The following FILIP1 variants were observed in gnomAD, a reference collection of about 807,000 sequenced individuals.
FILIP1 encodes the protein filamin-A-interacting protein 1.
FILIP1 carries 61 observed loss-of-function variants against 102.1 expected under a neutral mutation model. The ratio of observed to expected loss-of-function variants is 0.60; its 90% CI spans 0.49 to 0.74. The LOEUF (loss-of-function observed/expected upper bound fraction) is 0.74, where lower values mean the gene tolerates loss of function less well. Among genes scored for constraint, FILIP1 ranks in the 30% least tolerant of loss-of-function variants. The probability of loss-of-function intolerance (pLI) is 0.00; values close to 1 mark genes in which losing one functional copy is unlikely to be tolerated. For missense variants in FILIP1, 1,314 were observed against 1,441.2 expected, an observed-to-expected ratio of 0.91 and a Z score of 1.43; for synonymous variants, 491 against 526.9, an observed-to-expected ratio of 0.93 and a Z score of 0.93.
chr6:75,316,013 A>G (rs949090279), intron 4 of FILIP1, among the ~76,000 whole-genome samples: 3 of 152,222 alleles, frequency 2.0e-5, no homozygotes, highest in Admixed American at 6.5e-5. Flanking sequence ...TTTTATTTAA[A>G]CAATACTTTT....
At chr6:75,368,256 G>A (rs1384403131) in intron 2 of FILIP1, among the ~76,000 whole-genome samples, 1 of 152,182 alleles carries the variant, frequency 6.6e-6, no homozygotes, top group South Asian at 2.1e-4. Context: ...CAAAACATGT[G>A]GGGGCAGCAA....
At chr6:75,310,302 A>G (rs1018402816) in intron 5 of FILIP1, among the ~76,000 whole-genome samples, 4 of 152,212 alleles carry the variant, frequency 2.6e-5, no homozygotes, top group African/African-American at 9.7e-5. Context: ...TACCTCTATC[A>G]TAGAACCACT....
At chr6:75,407,180 TAGA>T (rs1240890409) in intron 2 of FILIP1, among the ~76,000 whole-genome samples, 1 of 152,168 alleles carries the variant, frequency 6.6e-6, no homozygotes, top group East Asian at 1.9e-4. Context: ...AGTTACAGAA[TAGA>T]AGAAGTTTCT....
downstream of FILIP1, among the ~76,000 whole-genome samples, chr6:75,303,664 C>G (rs759473515): frequency 1.4e-4 from 22 of 151,996 alleles, no homozygotes; most frequent in Non-Finnish European, 2.6e-4. Flanking sequence ...TCTTACCTCC[C>G]CTGACCAGAA....
rs555876927 is a variant in FILIP1 at position 75,399,148 on chromosome 6, A to G, written c.276+15549T>C. ...GTCACCATTGACTTTATTACAATTG[A>G]TTTCTATTGTTCAGGTTGTTAAACT... is the stretch of plus-strand genomic sequence containing the variant. On this transcript the variant is annotated intron_variant, in intron 2 of 5. Coordinates refer to ENST00000237172, the MANE Select transcript of FILIP1 (RefSeq NM_015687.5). 3.3e-5 allele frequency: 5 copies of G among 152,292 alleles called. No individual in the cohort carries two copies. The Middle Eastern group carries it at 0.01, about 311-fold the overall frequency. The allele number at this position is 152,292 out of a possible 1,614,324, so 9.4% of individuals were successfully genotyped here.
At chr6:75,453,814 AT>A (rs554791290) in intron 1 of FILIP1, among the ~76,000 whole-genome samples, 23 of 152,158 alleles carry the variant, frequency 1.5e-4, no homozygotes, top group South Asian at 4.1e-4. Flanking sequence ...AGAAAAAAAA[AT>A]CTCTGTCCTT....
intron 2 of FILIP1, among the ~76,000 whole-genome samples, chr6:75,408,899 C>T (rs1256015257): frequency 6.6e-6 from 1 of 152,112 alleles, no homozygotes; most frequent in African/African-American, 2.4e-5. Flanking sequence ...AATATGAAGC[C>T]CCCCCAGAAT....
intron 1 of FILIP1, among the ~76,000 whole-genome samples, chr6:75,471,159 C>CAAAA (rs67671264): frequency 1.4e-5 from 1 of 72,294 alleles, no homozygotes; most frequent in Non-Finnish European, 2.6e-5. Context: ...GACCTTGTCT[C>CAAAA]AAAAAAAAAA....
In FILIP1 at chr6:75,478,025, T is replaced by G. The variant is rs74658235; in HGVS notation, c.-7+15389A>C. On this transcript the variant is annotated intron_variant, in intron 1 of 5. Transcript: ENST00000237172. Reference sequence around the variant, plus strand: ...ACATTGTAATTAACAGAATTAAATATGATGCTTGGACTCACTTCTCTTTAC... The same window carrying G: ...ACATTGTAATTAACAGAATTAAATAGGATGCTTGGACTCACTTCTCTTTAC... Among the ~76,000 whole-genome samples, 1,346 of 152,320 alleles carry G rather than the reference T, an allele frequency of 8.8e-3. 46 individuals carry two copies. In the East Asian group the frequency reaches 0.12, roughly 14 times the overall value.
chr6:75,371,136 AG>A (rs1445696312), intron 2 of FILIP1, among the ~76,000 whole-genome samples: 5 of 152,354 alleles, frequency 3.3e-5, no homozygotes, highest in African/African-American at 1.2e-4. Flanking sequence ...TAGAAATCAA[AG>A]TTAACAAGAT....
intron 1 of FILIP1, among the ~76,000 whole-genome samples, chr6:75,422,573 T>C (rs1777502237): frequency 2.0e-5 from 3 of 152,158 alleles, no homozygotes; most frequent in Non-Finnish European, 2.9e-5. Flanking sequence ...AACAAGCCTA[T>C]TGGTAGCCAG....
chr6:75,315,776 CA>C (rs1316532157), intron 4 of FILIP1, among the ~76,000 whole-genome samples: 2 of 152,162 alleles, frequency 1.3e-5, no homozygotes, highest in Non-Finnish European at 2.9e-5. Flanking sequence ...AGGAAGCCTT[CA>C]AAATTATTGC....
At chr6:75,331,520 G>T (rs1774081694) in intron 4 of FILIP1, among the ~76,000 whole-genome samples, 1 of 152,164 alleles carries the variant, frequency 6.6e-6, no homozygotes, top group African/African-American at 2.4e-5. Context: ...TATGTTAAAT[G>T]CCATTTATCC....
rs1177605846 is a variant in FILIP1 at position 75,383,617 on chromosome 6, T to C, written c.277-20700A>G. Among the ~76,000 whole-genome samples the C allele has an allele frequency of 2.6e-5, 4 of 152,300 alleles. No individual in the cohort carries two copies. The East Asian group carries it at 7.7e-4, about 29-fold the overall frequency. On this transcript the variant is annotated intron_variant, in intron 2 of 5. Coordinates refer to ENST00000237172, the MANE Select transcript of FILIP1 (RefSeq NM_015687.5). Reference sequence around the variant, plus strand: ...TTTGAAGTGGATCATTTCAAAATTGTTTTCTCTGTAGATATACAAATGTAG... The same window carrying C: ...TTTGAAGTGGATCATTTCAAAATTGCTTTCTCTGTAGATATACAAATGTAG...
At chr6:75,330,677 C>T (rs1468194260) in intron 4 of FILIP1, among the ~76,000 whole-genome samples, 1 of 152,068 alleles carries the variant, frequency 6.6e-6, no homozygotes, top group Admixed American at 6.6e-5. Context: ...TTTAAAAAAT[C>T]CAGTAATTTA....
intron 1 of FILIP1, among the ~76,000 whole-genome samples, chr6:75,443,800 G>T (rs1448726736): frequency 6.6e-6 from 1 of 152,094 alleles, no homozygotes; most frequent in African/African-American, 2.4e-5. Context: ...GACTACTTAG[G>T]CATCTAAGTT....
intron 4 of FILIP1, among the ~76,000 whole-genome samples, chr6:75,324,922 T>C (rs1265088733): frequency 6.6e-6 from 1 of 152,132 alleles, no homozygotes; most frequent in East Asian, 1.9e-4. Flanking sequence ...TCTCACCTTA[T>C]ACAAAAATCA....
chr6:75,438,357 C>T (rs1778093162), intron 1 of FILIP1, among the ~76,000 whole-genome samples: 1 of 152,180 alleles, frequency 6.6e-6, no homozygotes, highest in Non-Finnish European at 1.5e-5. Flanking sequence ...GGGGATTTTG[C>T]TTTTCCTCTT....
intron 1 of FILIP1, among the ~76,000 whole-genome samples, chr6:75,462,046 C>A (rs73463703): frequency 6.6e-6 from 1 of 152,124 alleles, no homozygotes; most frequent in Non-Finnish European, 1.5e-5. Context: ...TGTGTCTTCA[C>A]CTCTCTTCCC....
Sources: allele counts gnomAD v4.1 joint callset (sites outside exome capture counted in the v4.1 genomes callset), GRCh38; gene constraint gnomAD v4.1.1; transcripts MANE v1.5; gene names NCBI Gene and HGNC (gene_info 2026-07-23, HGNC 2026-07-21).